Variants in CNTNAP2 observed in about 807,000 individuals in gnomAD.
The protein encoded by CNTNAP2 is contactin associated protein 2, also known as contactin-associated protein-like 2.
A neutral mutation model predicts 155.2 loss-of-function variants in CNTNAP2; 98 were observed. The ratio of observed to expected loss-of-function variants is 0.63; its 90% CI spans 0.54 to 0.75. The LOEUF is 0.75. Ranked by LOEUF, CNTNAP2 falls within the 30% of genes least tolerant of loss-of-function variation. The probability of loss-of-function intolerance (pLI) is 0.00; values close to 1 mark genes in which losing one functional copy is unlikely to be tolerated. For missense variants in CNTNAP2, 1,727 were observed against 1,688.1 expected, an observed-to-expected ratio of 1.02 and a Z score of -0.40; for synonymous variants, 651 against 631.2, an observed-to-expected ratio of 1.03 and a Z score of -0.47.
intron 3 of CNTNAP2, among the ~76,000 whole-genome samples, chr7:146,973,435 G>A (rs1027828414): frequency 1.3e-5 from 2 of 152,194 alleles, no homozygotes; most frequent in South Asian, 2.1e-4. Flanking sequence ...AGTACTATTA[G>A]CCAGTATTAT....
Position 148,147,678 on chromosome 7 carries a change from C to G in CNTNAP2, c.2742C>G (p.Thr914=), listed in dbSNP as rs202245719. Residue 914 remains threonine (T), a synonymous_variant, in exon 17 of 24, where the codon ACC becomes ACG. Transcript: ENST00000361727. ...QIRKAPTEGH[T]RLELYSQLFV... ...GCAAGGCCCCAACAGAAGGCCACAC[C>G]CGCCTGGAGCTCTACAGCCAGTTAT... 3 of 1,613,946 alleles carry G rather than the reference C, an allele frequency of 1.9e-6. No individual in the cohort carries two copies. Among genetic ancestry groups the G allele is most frequent in the African/African-American group, 2.7e-5 (2 of 74,984 alleles).
At chr7:147,321,491 A>G (rs1563159837) in intron 9 of CNTNAP2, among the ~76,000 whole-genome samples, 1 of 152,028 alleles carries the variant, frequency 6.6e-6, no homozygotes, top group African/African-American at 2.4e-5. Flanking sequence ...ATTTTCCATC[A>G]TTTTAGACTG....
chr7:146,483,305 A>ATG (rs1797001331), intron 1 of CNTNAP2, among the ~76,000 whole-genome samples: 3 of 84,204 alleles, frequency 3.6e-5, no homozygotes, highest in Admixed American at 2.4e-4. Flanking sequence ...ATATATATAT[A>ATG]TATATATATA....
chr7:147,686,531 G>A (rs1796020086), intron 13 of CNTNAP2, among the ~76,000 whole-genome samples: 1 of 151,908 alleles, frequency 6.6e-6, no homozygotes, highest in Non-Finnish European at 1.5e-5. Context: ...AAATCCAGGG[G>A]TCCAATTAAA....
At chr7:147,297,927 G>A (rs1263406321) in intron 8 of CNTNAP2, among the ~76,000 whole-genome samples, 3 of 152,160 alleles carry the variant, frequency 2.0e-5, no homozygotes, top group African/African-American at 4.8e-5. Context: ...TTCCTTTTGG[G>A]TATATACGTA....
intron 1 of CNTNAP2, among the ~76,000 whole-genome samples, chr7:146,439,347 C>CGAT (rs1796287758): frequency 6.6e-6 from 1 of 151,476 alleles, no homozygotes; most frequent in South Asian, 2.1e-4. Context: ...GACATGAAAA[C>CGAT]ATTTCTTATT....
intron 10 of CNTNAP2, among the ~76,000 whole-genome samples, chr7:147,485,048 G>C (rs1798487216): frequency 6.6e-6 from 1 of 152,130 alleles, no homozygotes; most frequent in East Asian, 1.9e-4. Flanking sequence ...CCAGGAGAAA[G>C]GGTTTGTGCC....
intron 3 of CNTNAP2, among the ~76,000 whole-genome samples, chr7:147,007,011 C>A (rs558692856): frequency 2.4e-4 from 36 of 152,134 alleles, no homozygotes; most frequent in Middle Eastern, 3.4e-3. Context: ...TACAAATGGG[C>A]ATAAAGAGGT....
chr7:146,599,743 G>GAGAT (rs60717424), intron 1 of CNTNAP2, among the ~76,000 whole-genome samples: 21,189 of 145,462 alleles, frequency 0.15, 1,649 homozygotes, highest in East Asian at 0.26. Flanking sequence ...ACGACAGACA[G>GAGAT]AGATAGATAG....
intron 8 of CNTNAP2, among the ~76,000 whole-genome samples, chr7:147,286,744 T>C (rs1478675463): frequency 6.6e-6 from 1 of 152,144 alleles, no homozygotes; most frequent in Non-Finnish European, 1.5e-5. Context: ...TCTTCTCCTT[T>C]ATAGCTAAAC....
intron 3 of CNTNAP2, among the ~76,000 whole-genome samples, chr7:146,967,556 A>T (rs964563191): frequency 5.3e-5 from 8 of 152,078 alleles, no homozygotes; most frequent in African/African-American, 1.7e-4. Context: ...TAGGTATTTT[A>T]TTCTCTTTGA....
chr7:147,010,535 A>G (rs1303692830), intron 3 of CNTNAP2, among the ~76,000 whole-genome samples: 3 of 152,140 alleles, frequency 2.0e-5, no homozygotes, highest in Non-Finnish European at 4.4e-5. Flanking sequence ...TGGCAGAAGT[A>G]CATAGCAGTG....
At chr7:148,335,265 A>G (rs148975537) in intron 21 of CNTNAP2, among the ~76,000 whole-genome samples, 1 of 152,324 alleles carries the variant, frequency 6.6e-6, no homozygotes, top group East Asian at 1.9e-4. Context: ...ACCTCAACTC[A>G]TAAAGGGAAA....
At chr7:148,403,559 C>A (rs1799635279) in intron 22 of CNTNAP2, among the ~76,000 whole-genome samples, 1 of 152,144 alleles carries the variant, frequency 6.6e-6, no homozygotes, top group African/African-American at 2.4e-5. Flanking sequence ...CCTTGATACT[C>A]CAACACCACT....
At chr7:147,671,275 A>G (rs1259291031) in intron 13 of CNTNAP2, among the ~76,000 whole-genome samples, 2 of 152,216 alleles carry the variant, frequency 1.3e-5, no homozygotes, top group Admixed American at 1.3e-4. Flanking sequence ...AGGCTCGGGG[A>G]AATATCCTGC....
intron 1 of CNTNAP2, among the ~76,000 whole-genome samples, chr7:146,182,723 A>G (rs1473881183): frequency 2.6e-5 from 4 of 152,134 alleles, no homozygotes; most frequent in African/African-American, 9.7e-5. Flanking sequence ...TCCTTCCCAA[A>G]TCTAACTTCA....
intron 8 of CNTNAP2, among the ~76,000 whole-genome samples, chr7:147,263,979 C>G (rs374641324): frequency 6.6e-6 from 1 of 152,184 alleles, no homozygotes; most frequent in East Asian, 1.9e-4. Context: ...ATTCAGAGGA[C>G]TGTCTTGCAT....
At chr7:148,189,386 A>T (rs1795167782) in intron 18 of CNTNAP2, among the ~76,000 whole-genome samples, 1 of 152,166 alleles carries the variant, frequency 6.6e-6, no homozygotes, top group African/African-American at 2.4e-5. Context: ...AGGGAGGCCA[A>T]CCCCTAAGCT....
rs138991201 is a variant in CNTNAP2 at position 146,556,636 on chromosome 7, A to G, written c.98-217635A>G. On this transcript the variant is annotated intron_variant, in intron 1 of 23. Transcript: ENST00000361727. ...GATCCAGTGAGAAAAACTCATATAG[A>G]GAAGACAAGATTATTGAAAATTCTA... Among the ~76,000 whole-genome samples, 393 of 152,316 alleles carry G rather than the reference A, an allele frequency of 2.6e-3. 3 individuals carry two copies. The highest frequency in any genetic ancestry group is 9.1e-3 in the African/African-American group (380 of 41,564).
Sources: gnomAD v4.1 joint callset for allele counts (sites outside exome capture counted in the v4.1 genomes callset) on GRCh38, gnomAD v4.1.1 for gene constraint, MANE v1.5 for transcripts, NCBI Gene and HGNC (gene_info 2026-07-23, HGNC 2026-07-21) for gene names.